Variants in ADAM32 observed in about 807,000 individuals in gnomAD.
ADAM32 encodes disintegrin and metalloproteinase domain-containing protein 32.
In ADAM32, 89 loss-of-function variants were observed where a neutral mutation model predicts 114.9. The ratio of observed to expected loss-of-function variants is 0.77; its 90% CI spans 0.65 to 0.92. The LOEUF (loss-of-function observed/expected upper bound fraction) is 0.92. Ranked by LOEUF, ADAM32 falls within the 40% of genes least tolerant of loss-of-function variation. The pLI is 0.00. For synonymous variants in ADAM32, 285 were observed against 307.5 expected (o/e 0.93, Z 0.77); for missense variants, 870 against 932.8 (o/e 0.93, Z 0.88).
Position 39,232,032 on chromosome 8 carries a change from A to G in ADAM32, c.1531A>G (p.Arg511Gly), listed in dbSNP as rs773179484. 6.2e-7 allele frequency: 1 copy of G among 1,608,908 alleles called. No individual in the cohort carries two copies. Among genetic ancestry groups the G allele is most frequent in the Non-Finnish European group, 8.5e-7 (1 of 1,177,318 alleles). Residue 511 changes from arginine to glycine, a missense_variant, in exon 15 of 25, where the codon AGA becomes GGA. By Grantham distance (125) the Arg-to-Gly change is moderately radical. Coordinates refer to ENST00000379907, the MANE Select transcript of ADAM32 (RefSeq NM_145004.7). ...TGTATTTCTAACTTTAACAGGTTCA[A>G]GAAATGCTCCATTTGCCTGCTATGA... is the stretch of plus-strand genomic sequence containing the variant. ...RCESVFGKGS[R>G]NAPFACYEEI...
chr8:39,223,581 T>C (rs1809139957), intron 14 of ADAM32: 1 of 154,334 alleles, frequency 6.5e-6, no homozygotes, highest in Non-Finnish European at 1.4e-5. Flanking sequence ...CATTGTGAAA[T>C]ATTTGCCACA....
intron 17 of ADAM32, 47 bp downstream of exon 17, chr8:39,246,213 T>C (rs1810909004): frequency 6.4e-7 from 1 of 1,553,278 alleles, no homozygotes; most frequent in African/African-American, 1.4e-5. Flanking sequence ...GGACACTTTT[T>C]TGCATCACTC....
At chr8:39,141,736 G>A (rs970688707) in intron 3 of ADAM32, among the ~76,000 whole-genome samples, 4 of 152,078 alleles carry the variant, frequency 2.6e-5, no homozygotes, top group Non-Finnish European at 5.9e-5. Context: ...TTCAAGTCCT[G>A]GATATCCTTG....
In ADAM32 at chr8:39,187,012, C is replaced by G; in HGVS notation, c.1019C>G (p.Ser340Ter). The G allele has an allele frequency of 6.2e-7, 1 of 1,612,328 alleles. No individual in the cohort carries two copies. Among genetic ancestry groups the G allele is most frequent in the Non-Finnish European group, 8.5e-7 (1 of 1,179,050 alleles). ...GACGACCCAAAGAAATGTCAATGTT[C>G]AGAATCCACCTGTATAATGAATCCA... is the stretch of plus-strand genomic sequence containing the variant. ...SYDDPKKCQCSESTCIMNPEV... is the reference protein window; with the variant it reads ...SYDDPKKCQC Residue 340 changes from serine (S) to a stop codon, truncating the protein, a stop_gained, in exon 11 of 25, where the codon TCA becomes TGA. Transcript: ENST00000379907. LOFTEE classifies it high-confidence loss of function.
intron 2 of ADAM32, among the ~76,000 whole-genome samples, chr8:39,131,607 T>C (rs914751521): frequency 1.3e-5 from 2 of 152,244 alleles, no homozygotes. Flanking sequence ...ATTTCTCCTT[T>C]CAGTTCTGTC....
At chr8:39,137,928 A>C (rs1802903096) in intron 3 of ADAM32, among the ~76,000 whole-genome samples, 1 of 152,248 alleles carries the variant, frequency 6.6e-6, no homozygotes, top group Non-Finnish European at 1.5e-5. Context: ...AAGGAAAGTT[A>C]GAGAGCTCAC....
At chr8:39,277,145 A>G (rs986867265) in intron 22 of ADAM32, among the ~76,000 whole-genome samples, 5 of 152,162 alleles carry the variant, frequency 3.3e-5, no homozygotes, top group African/African-American at 9.7e-5. Flanking sequence ...TTCGCTCAAT[A>G]TATCATCTCT....
Position 39,107,762 on chromosome 8 carries a change from C to T in ADAM32, c.-14C>T. 3 of 1,550,516 alleles carry T rather than the reference C, an allele frequency of 1.9e-6. No individual in the cohort carries two copies. The South Asian group carries it at 3.6e-5, about 18-fold the overall frequency. On this transcript the variant is annotated 5_prime_UTR_variant, in exon 1 of 25. Coordinates refer to ENST00000379907, the MANE Select transcript of ADAM32 (RefSeq NM_145004.7). ...TTCCCAACGGCTTCCCGCTGGCAGC[C>T]CCGAAGCCGCACCATGTTCCGCCTC... is the stretch of plus-strand genomic sequence containing the variant.
Position 39,274,585 on chromosome 8 carries a change from T to C in ADAM32, c.2240+235T>C, listed in dbSNP as rs1002698090. On this transcript the variant is annotated intron_variant, in intron 21 of 24. Transcript: ENST00000379907. Reference sequence around the variant, plus strand: ...AAACAAGGAATAAAATAGCTGATTCTAAAATGAGATAGGACATGTATAATT... The same window carrying C: ...AAACAAGGAATAAAATAGCTGATTCCAAAATGAGATAGGACATGTATAATT... Among the ~76,000 whole-genome samples, 6 of 152,318 alleles carry C rather than the reference T, an allele frequency of 3.9e-5. No homozygotes were observed. The East Asian group carries it at 7.7e-4, about 20-fold the overall frequency.
At chr8:39,144,917 G>C (rs1333120270) in intron 3 of ADAM32, among the ~76,000 whole-genome samples, 2 of 152,118 alleles carry the variant, frequency 1.3e-5, no homozygotes, top group African/African-American at 4.8e-5. Flanking sequence ...ACTTATAGAA[G>C]ACCCTAAAGA....
intron 10 of ADAM32, among the ~76,000 whole-genome samples, chr8:39,181,563 G>A (rs1241829949): frequency 2.0e-5 from 3 of 152,170 alleles, no homozygotes; most frequent in Non-Finnish European, 4.4e-5. Flanking sequence ...ATTGGGCTAG[G>A]TATAGAATCT....
intron 22 of ADAM32, among the ~76,000 whole-genome samples, chr8:39,277,466 A>G (rs1417143050): frequency 6.6e-6 from 1 of 152,230 alleles, no homozygotes. Flanking sequence ...AAGCCAAAGA[A>G]AGCAGAGAGA....
chr8:39,153,358 C>G (rs1222085253), intron 6 of ADAM32, among the ~76,000 whole-genome samples: 1 of 152,180 alleles, frequency 6.6e-6, no homozygotes, highest in East Asian at 1.9e-4. Flanking sequence ...CCCAGAACCC[C>G]TCATATTCCT....
At chr8:39,262,519 C>A (rs1035380688) in intron 19 of ADAM32, among the ~76,000 whole-genome samples, 5 of 151,962 alleles carry the variant, frequency 3.3e-5, no homozygotes, top group African/African-American at 1.2e-4. Flanking sequence ...GATTGTTTGG[C>A]TATTCAGGGC....
chr8:39,256,771 A>G (rs1334170128), intron 18 of ADAM32, among the ~76,000 whole-genome samples: 1 of 152,068 alleles, frequency 6.6e-6, no homozygotes, highest in Non-Finnish European at 1.5e-5. Flanking sequence ...CATGATCCCC[A>G]AGGCCAAAAG....
chr8:39,203,462 T>G (rs955774053), intron 11 of ADAM32, among the ~76,000 whole-genome samples: 10 of 152,310 alleles, frequency 6.6e-5, no homozygotes, highest in African/African-American at 2.4e-4. Context: ...ACCCCTGCCT[T>G]TTTTTGTTTT....
At chr8:39,120,598 C>G (rs888397046) in intron 2 of ADAM32, among the ~76,000 whole-genome samples, 12 of 151,864 alleles carry the variant, frequency 7.9e-5, no homozygotes, top group Admixed American at 3.3e-4. Flanking sequence ...CCTGTCTCTA[C>G]TAAAAATACA....
chr8:39,216,795 GTAC>G (rs1564619300), intron 12 of ADAM32, among the ~76,000 whole-genome samples: 1 of 150,804 alleles, frequency 6.6e-6, no homozygotes, highest in African/African-American at 2.5e-5. Context: ...TATATATATC[GTAC>G]TGACTATGTC....
intron 11 of ADAM32, among the ~76,000 whole-genome samples, 164 bp downstream of exon 11, chr8:39,187,209 A>G (rs1806297384): frequency 6.6e-6 from 1 of 152,254 alleles, no homozygotes; most frequent in South Asian, 2.1e-4. Flanking sequence ...AGTATAAACT[A>G]AAGATAATCA....
Sources: gnomAD v4.1 joint callset for allele counts (sites outside exome capture counted in the v4.1 genomes callset) on GRCh38, gnomAD v4.1.1 for gene constraint, MANE v1.5 for transcripts, NCBI Gene and HGNC (gene_info 2026-07-23, HGNC 2026-07-21) for gene names.